MYH9: variants seen among roughly 807,000 people sequenced by gnomAD.
MYH9 encodes the protein myosin-9.
Under a neutral mutation model 241.9 loss-of-function variants are expected in MYH9, and 29 were observed. That is an observed-to-expected ratio of 0.12 (90% CI 0.09 to 0.16). The LOEUF (loss-of-function observed/expected upper bound fraction) is 0.16. Among genes scored for constraint, MYH9 ranks in the 10% least tolerant of loss-of-function variants. MYH9 has a pLI of 1.00. For synonymous variants in MYH9, 1,047 were observed against 1,062.6 expected, an observed-to-expected ratio of 0.99 and a Z score of 0.29; for missense variants, 1,803 against 2,595.5, an observed-to-expected ratio of 0.69 and a Z score of 6.63.
rs1339876100 is a variant in MYH9, at chr22:36,293,803, T to C, written c.3898A>G (p.Thr1300Ala). ...GACTCCAGCGCGGAGAAGTCCTTGG[T>C]GAGCTTGCTGGACTTGCTGTCGGAC... ...SQSDSKSSKLTKDFSALESQL... is the reference protein window; with the variant it reads ...SQSDSKSSKLAKDFSALESQL... Residue 1300 changes from threonine to alanine, a missense_variant, in exon 29 of 41, where the codon ACC (threonine) becomes GCC (alanine). By Grantham distance (58) the Thr-to-Ala change is moderately conservative. This residue lies in a region of MYH9 where 876 missense variants were observed against 1,077.8 expected (regional missense o/e 0.81). Coordinates refer to ENST00000216181, the MANE Select transcript of MYH9 (RefSeq NM_002473.6). This position sits in a 1 kb window ranked among gnomAD's most constrained non-coding sequence, Gnocchi z 5.1. 1 of 1,613,326 alleles carries C rather than the reference T, an allele frequency of 6.2e-7. No homozygotes were observed. Among genetic ancestry groups the C allele is most frequent in the Non-Finnish European group, 8.5e-7 (1 of 1,179,558 alleles).
intron 1 of MYH9, among the ~76,000 whole-genome samples, chr22:36,364,580 G>A (rs1569536952): frequency 1.3e-5 from 2 of 152,114 alleles, no homozygotes; most frequent in Admixed American, 6.6e-5. Context: ...GCCATCCAGG[G>A]TCCTCACCCT....
Position 36,295,401 on chromosome 22 carries a change from G to GGT in MYH9, c.3485+102_3485+103dup, listed in dbSNP as rs60043894. ...GCCTGCTGGTGCCTAAGAGGGCCAC[G>GGT]GTGTGTGTGTGTGTGTGTGTGCAGA... On this transcript the variant is annotated intron_variant, in intron 26 of 40. Coordinates refer to ENST00000216181, the MANE Select transcript of MYH9 (RefSeq NM_002473.6). The surrounding 1 kb of genome is among the most constrained non-coding windows in gnomAD (Gnocchi z 4.1). 0.25 allele frequency: 195,355 copies of GGT among 789,892 alleles called. 11,434 individuals are homozygous for GGT. The highest frequency in any genetic ancestry group is 0.5 in the East Asian group (16,893 of 34,030). 48.9% of individuals were successfully genotyped at this position (789,892 alleles called of 1,614,324 possible). A position where few individuals can be genotyped will look rare whatever the true frequency, so the allele number is the denominator to read the frequency against.
At chr22:36,337,963 G>A (rs1171944644) in intron 3 of MYH9, among the ~76,000 whole-genome samples, 1 of 151,698 alleles carries the variant, frequency 6.6e-6, no homozygotes, top group Non-Finnish European at 1.5e-5. Context: ...TGCTTTGCAG[G>A]TCAGCTATAT....
rs371842998 is a variant in MYH9 at position 36,285,312 on chromosome 22, G to A, written c.5292C>T (p.Thr1764=). The part of the protein sequence containing the change: ...KANLQIDQIN[T]DLNLERSHAQ... ...CGTGGCTGCGCTCCAGGTTCAGGTC[G>A]GTGTTGATCTGGTCGATCTGCAGAA... is the stretch of plus-strand genomic sequence containing the variant. Residue 1764 remains threonine (T), a synonymous_variant, in exon 38 of 41, where the codon ACC becomes ACT. Coordinates refer to ENST00000216181, the MANE Select transcript of MYH9 (RefSeq NM_002473.6). The surrounding 1 kb of genome is among the most constrained non-coding windows in gnomAD (Gnocchi z 7.0). 1.4e-5 allele frequency: 22 copies of A among 1,611,102 alleles called. No homozygotes were observed. The highest frequency in any genetic ancestry group is 2.2e-5 in the East Asian group (1 of 44,890).
chr22:36,370,966 A>G (rs2018081757), intron 1 of MYH9, among the ~76,000 whole-genome samples: 1 of 152,194 alleles, frequency 6.6e-6, no homozygotes, highest in Non-Finnish European at 1.5e-5. Flanking sequence ...GAACACTAAC[A>G]GATAGTTCTA....
At chr22:36,326,514 T>A in intron 5 of MYH9, 54 bp downstream of exon 5, 1 of 1,484,418 alleles carries the variant, frequency 6.7e-7, no homozygotes, top group Non-Finnish European at 9.4e-7. Flanking sequence ...TCTTCCTCCA[T>A]CATCCCACCA....
At chr22:36,308,542 G>C (rs1228918894) in intron 15 of MYH9, among the ~76,000 whole-genome samples, 1 of 152,008 alleles carries the variant, frequency 6.6e-6, no homozygotes, top group Non-Finnish European at 1.5e-5. Flanking sequence ...CCAGATTGCT[G>C]GGATTACAGT....
chr22:36,295,401 G>A lies in MYH9; in HGVS notation c.3485+104C>T, dbSNP rs1202718072. On this transcript the variant is annotated intron_variant, in intron 26 of 40. Coordinates refer to ENST00000216181, the MANE Select transcript of MYH9 (RefSeq NM_002473.6). The surrounding 1 kb of genome is among the most constrained non-coding windows in gnomAD (Gnocchi z 4.1). ...GCCTGCTGGTGCCTAAGAGGGCCAC[G>A]GTGTGTGTGTGTGTGTGTGTGCAGA... 13 of 808,622 alleles carry A rather than the reference G, an allele frequency of 1.6e-5. No individual in the cohort carries two copies. The highest frequency in any genetic ancestry group is 2.6e-5 in the Non-Finnish European group (13 of 503,558). 50.1% of individuals were successfully genotyped at this position (808,622 alleles called of 1,614,324 possible).
chr22:36,346,447 A>G (rs1211053431), intron 2 of MYH9, among the ~76,000 whole-genome samples: 1 of 152,194 alleles, frequency 6.6e-6, no homozygotes, highest in Admixed American at 6.5e-5. Context: ...CTGAAGTCAC[A>G]CAGAAAATTA....
At chr22:36,340,724 G>A (rs2017573377) in intron 3 of MYH9, among the ~76,000 whole-genome samples, 1 of 152,030 alleles carries the variant, frequency 6.6e-6, no homozygotes, top group Admixed American at 6.6e-5. Flanking sequence ...GGAGAGGTGA[G>A]GTAGGAACTC....
intron 27 of MYH9, 144 bp downstream of exon 27, chr22:36,294,788 C>G (rs949531486): frequency 1.9e-6 from 2 of 1,078,834 alleles, no homozygotes; most frequent in Non-Finnish European, 2.7e-6. Flanking sequence ...GCACGAGTCA[C>G]AAAGCCCCTT....
At chr22:36,315,732 A>G (rs2146358205) in intron 12 of MYH9, among the ~76,000 whole-genome samples, 1 of 133,940 alleles carries the variant, frequency 7.5e-6, no homozygotes, top group African/African-American at 2.6e-5. Context: ...TGGGTGACAG[A>G]GCAAGACCCT....
intron 1 of MYH9, among the ~76,000 whole-genome samples, chr22:36,379,004 C>A (rs2146425062): frequency 6.6e-6 from 1 of 151,994 alleles, no homozygotes; most frequent in Non-Finnish European, 1.5e-5. Flanking sequence ...TTTAATTATT[C>A]CCAACATCTC....
At chr22:36,351,992 T>TC (rs2017771647) in intron 1 of MYH9, among the ~76,000 whole-genome samples, 1 of 152,016 alleles carries the variant, frequency 6.6e-6, no homozygotes, top group Non-Finnish European at 1.5e-5. Context: ...TGTCTCATCA[T>TC]CCCCAATTCA....
chr22:36,310,704 A>G (rs1201002138), intron 14 of MYH9, among the ~76,000 whole-genome samples: 1 of 152,242 alleles, frequency 6.6e-6, no homozygotes, highest in Non-Finnish European at 1.5e-5. Context: ...TAGCGGCCAC[A>G]GCACAGCCCA....
Position 36,375,283 on chromosome 22 carries a change from C to CA in MYH9, c.-20+12523dup, listed in dbSNP as rs144536323. The stretch of plus-strand genomic sequence containing the variant: ...CCAGAGGGCACTACTCAGACAGGCA[C>CA]AGCAGTGCCTGGATTCACGCTGGGG... On this transcript the variant is annotated intron_variant, in intron 1 of 40. Transcript: ENST00000216181. Among the ~76,000 whole-genome samples, 1,399 of 152,092 alleles carry CA rather than the reference C, an allele frequency of 9.2e-3. 19 individuals carry two copies. Among genetic ancestry groups the CA allele is most frequent in the African/African-American group, 0.032 (1,315 of 41,456 alleles).
intron 3 of MYH9, 148 bp downstream of exon 3, chr22:36,341,222 T>C (rs778954086): frequency 1.1e-5 from 10 of 938,600 alleles, no homozygotes; most frequent in Admixed American, 2.0e-5. Context: ...CTGGCTTTCA[T>C]ACAGAGGTCT....
In MYH9 at chr22:36,320,425, G is replaced by A. The variant is rs892517450; in HGVS notation, c.869-62C>T. On this transcript the variant is annotated intron_variant, in intron 8 of 40. Coordinates refer to ENST00000216181, the MANE Select transcript of MYH9 (RefSeq NM_002473.6). The surrounding 1 kb of genome is among the most constrained non-coding windows in gnomAD (Gnocchi z 4.8). ...TGCTGAAAGTGGAGGCTCCATCAGCGCTGTGACCTCAAAGGTTGGAGAGAC... is the reference window on the plus strand; with the variant it reads ...TGCTGAAAGTGGAGGCTCCATCAGCACTGTGACCTCAAAGGTTGGAGAGAC... The A allele has an allele frequency of 1.8e-5, 29 of 1,595,354 alleles. No individual in the cohort carries two copies. The highest frequency in any genetic ancestry group is 1.5e-4 in the Admixed American group (9 of 59,994).
At chr22:36,322,656 C>G in intron 5 of MYH9, 135 bp from the exon 6 acceptor site, 1 of 831,722 alleles carries the variant, frequency 1.2e-6, no homozygotes, top group Non-Finnish European at 2.0e-6. Context: ...TCCGGGTGGG[C>G]TCCAGTGTGC....
Sources: allele counts gnomAD v4.1 joint callset (sites outside exome capture counted in the v4.1 genomes callset), GRCh38; gene constraint gnomAD v4.1.1; regional missense constraint gnomAD v4.1.1; non-coding constraint Gnocchi (gnomAD v3.1); transcripts MANE v1.5; gene names NCBI Gene and HGNC (gene_info 2026-07-23, HGNC 2026-07-21).